FSTL5: variants seen among roughly 807,000 people sequenced by gnomAD.
FSTL5 encodes the protein follistatin-related protein 5.
In FSTL5, 62 loss-of-function variants were observed where a neutral mutation model predicts 89.1. The ratio of observed to expected loss-of-function variants is 0.70; its 90% confidence interval spans 0.57 to 0.86. FSTL5 has a LOEUF of 0.86. Among genes scored for constraint, FSTL5 ranks in the 40% least tolerant of loss-of-function variants. The pLI is 0.00. For missense variants in FSTL5, 1,057 were observed against 1,001.6 expected, an observed-to-expected ratio of 1.06 and a Z score of -0.75; for synonymous variants, 383 against 346.2, an observed-to-expected ratio of 1.11 and a Z score of -1.18.
Position 161,632,675 on chromosome 4 carries a change from T to C in FSTL5, c.894+23653A>G, listed in dbSNP as rs866891565. Among the ~76,000 whole-genome samples the C allele has an allele frequency of 5.5e-3, 838 of 152,302 alleles. 7 individuals are homozygous for C. The highest frequency in any genetic ancestry group is 0.016 in the African/African-American group (669 of 41,574). On this transcript the variant is annotated intron_variant, in intron 7 of 15. Transcript: ENST00000306100. The stretch of plus-strand genomic sequence containing the variant: ...AGTCTGAGTTAAAAGAAAGAGTTTT[T>C]TATTGATTTCTGTGTTTTTTAGAAG...
intron 1 of FSTL5, among the ~76,000 whole-genome samples, chr4:162,113,749 A>G (rs1459040279): frequency 6.6e-6 from 1 of 151,936 alleles, no homozygotes; most frequent in African/African-American, 2.4e-5. Context: ...CCCCTGCCCC[A>G]TTTATCACCC....
chr4:161,447,484 A>G (rs949513123), intron 15 of FSTL5, among the ~76,000 whole-genome samples: 1 of 152,080 alleles, frequency 6.6e-6, no homozygotes, highest in African/African-American at 2.4e-5. Flanking sequence ...CAAGTGTCAG[A>G]GCAGAGCACA....
At chr4:161,961,524 AAT>A (rs10601527) in intron 3 of FSTL5, among the ~76,000 whole-genome samples, 133,607 of 144,464 alleles carry the variant, frequency 0.92, 61,451 homozygotes, top group Non-Finnish European at 0.99. Flanking sequence ...ACTCTAGAAA[AAT>A]ATATATATAT....
chr4:161,481,310 T>C (rs1729496741), intron 12 of FSTL5, 141 bp from the exon 13 acceptor site: 2 of 457,026 alleles, frequency 4.4e-6, no homozygotes, highest in Non-Finnish European at 7.5e-6. Flanking sequence ...GTTTAATTAA[T>C]AGAACATATT....
intron 4 of FSTL5, among the ~76,000 whole-genome samples, chr4:161,913,482 G>C (rs535098413): frequency 6.6e-6 from 1 of 152,300 alleles, no homozygotes; most frequent in East Asian, 1.9e-4. Context: ...ATGTGGCATT[G>C]AGCCTGCGTG....
chr4:162,047,535 A>C (rs553649727), intron 2 of FSTL5: 1 of 152,266 alleles, frequency 6.6e-6, no homozygotes, highest in African/African-American at 2.4e-5. Flanking sequence ...TCCATTAAAA[A>C]AACTATGAGT....
intron 6 of FSTL5, among the ~76,000 whole-genome samples, chr4:161,668,027 T>A (rs574249540): frequency 3.9e-4 from 59 of 151,266 alleles, no homozygotes; most frequent in Middle Eastern, 3.4e-3. Flanking sequence ...AGAATGAAAA[T>A]TAGAACATGA....
At chr4:161,694,792 T>C (rs1738078467) in intron 6 of FSTL5, among the ~76,000 whole-genome samples, 2 of 151,686 alleles carry the variant, frequency 1.3e-5, no homozygotes, top group Non-Finnish European at 2.9e-5. Context: ...GCTGGTGTTA[T>C]TGTTAATGGG....
At chr4:161,980,262 AAAGAAAG>A (rs1310985246) in intron 3 of FSTL5, among the ~76,000 whole-genome samples, 2 of 384 alleles carry the variant, frequency 5.2e-3, no homozygotes, top group Non-Finnish European at 0.023. Flanking sequence ...AAGAAAGAAA[AAAGAAAG>A]AAAGAAAGAA....
chr4:161,669,660 T>G (rs1347431565), intron 6 of FSTL5, among the ~76,000 whole-genome samples: 1 of 152,134 alleles, frequency 6.6e-6, no homozygotes. Flanking sequence ...ATCACAGACT[T>G]AAATATAAAA....
chr4:161,975,316 C>A (rs930578077), intron 3 of FSTL5, among the ~76,000 whole-genome samples: 5 of 151,844 alleles, frequency 3.3e-5, no homozygotes, highest in Admixed American at 6.6e-5. Context: ...ATGTTTATTG[C>A]GGCATTATTC....
At chr4:161,587,151 T>A (rs1449106391) in intron 8 of FSTL5, among the ~76,000 whole-genome samples, 1 of 152,078 alleles carries the variant, frequency 6.6e-6, no homozygotes, top group Non-Finnish European at 1.5e-5. Flanking sequence ...TTTCTAAAAT[T>A]TATGCTTGCC....
At chr4:161,910,027 T>C (rs1186886664) in intron 4 of FSTL5, among the ~76,000 whole-genome samples, 1 of 152,170 alleles carries the variant, frequency 6.6e-6, no homozygotes, top group African/African-American at 2.4e-5. Context: ...TTAGTTCTTA[T>C]TTTCTGTTTT....
intron 7 of FSTL5, among the ~76,000 whole-genome samples, chr4:161,616,402 C>A (rs1349686990): frequency 6.6e-6 from 1 of 152,152 alleles, no homozygotes; most frequent in African/African-American, 2.4e-5. Flanking sequence ...CTACATCTTT[C>A]TCTCATTTTG....
chr4:161,785,866 G>A (rs1226114412), intron 4 of FSTL5, among the ~76,000 whole-genome samples: 4 of 151,996 alleles, frequency 2.6e-5, no homozygotes, highest in African/African-American at 9.7e-5. Context: ...GTCAATGAAT[G>A]TATCTGTCAA....
chr4:161,954,305 C>T (rs564967539), intron 3 of FSTL5, among the ~76,000 whole-genome samples: 1 of 151,436 alleles, frequency 6.6e-6, no homozygotes, highest in African/African-American at 2.4e-5. Flanking sequence ...ATATTCACAC[C>T]CTATGAATCA....
intron 6 of FSTL5, among the ~76,000 whole-genome samples, chr4:161,735,834 T>C (rs1419196622): frequency 6.6e-6 from 1 of 152,146 alleles, no homozygotes. Context: ...TGGTAATATA[T>C]GTTGATTCTT....
At chr4:161,407,567 C>A (rs993594398) in intron 15 of FSTL5, among the ~76,000 whole-genome samples, 4 of 152,120 alleles carry the variant, frequency 2.6e-5, no homozygotes, top group Non-Finnish European at 5.9e-5. Flanking sequence ...CTGCAGGGAC[C>A]CCATACCCCC....
intron 11 of FSTL5, among the ~76,000 whole-genome samples, chr4:161,507,415 T>C (rs1730519597): frequency 6.6e-6 from 1 of 151,820 alleles, no homozygotes; most frequent in African/African-American, 2.4e-5. Flanking sequence ...TATTTAAATG[T>C]ATTATATCTA....
Sources: allele counts gnomAD v4.1 joint callset (sites outside exome capture counted in the v4.1 genomes callset), GRCh38; gene constraint gnomAD v4.1.1; transcripts MANE v1.5; gene names NCBI Gene and HGNC (gene_info 2026-07-23, HGNC 2026-07-21).